Variants in ZNF792 observed in about 807,000 individuals in gnomAD.
ZNF792 encodes the protein zinc finger protein 792.
A neutral mutation model predicts 13.1 loss-of-function variants in ZNF792; 14 were observed. The ratio of observed to expected loss-of-function variants is 1.07; its 90% CI spans 0.71 to 1.67. The LOEUF is 1.67. Among genes scored for constraint, ZNF792 ranks in the 40% most tolerant of loss-of-function variants. The pLI, the probability that ZNF792 is intolerant of heterozygous loss-of-function variation, is 0.00. For synonymous variants in ZNF792, 257 were observed against 292.0 expected (o/e 0.88, Z 1.22); for missense variants, 740 against 807.9 (o/e 0.92, Z 1.02).
rs2013446515 is a variant in ZNF792 at position 34,957,312 on chromosome 19, T to G, written c.*644A>C. 1 of 152,124 alleles carries G rather than the reference T, an allele frequency of 6.6e-6. No homozygotes were observed. The highest frequency in any genetic ancestry group is 1.5e-5 in the Non-Finnish European group (1 of 68,020). 9.4% of individuals were successfully genotyped at this position (152,124 alleles called of 1,614,324 possible). A position where few individuals can be genotyped will look rare whatever the true frequency, so the allele number is the denominator to read the frequency against. On this transcript the variant is annotated 3_prime_UTR_variant, in exon 4 of 4. Coordinates refer to ENST00000404801, the MANE Select transcript of ZNF792 (RefSeq NM_175872.5). ...TATTATACCCATAAATTCCTACAAT[T>G]TTTCCTAGGAGGCCTTGGTGGCAAT...
At position 34,956,410 on chromosome 19, in the gene ZNF792, T is replaced by C. The variant is rs1326921194; in HGVS notation, c.*1546A>G. On this transcript the variant is annotated 3_prime_UTR_variant, in exon 4 of 4. Transcript: ENST00000404801. ...GTTAATTCTAGAAAAGGCAAACAAA[T>C]CTAAAGTAAAAAATGTAAATCAACG... 1 of 151,952 alleles carries C rather than the reference T, an allele frequency of 6.6e-6. No individual in the cohort carries two copies. The highest frequency in any genetic ancestry group is 1.5e-5 in the Non-Finnish European group (1 of 67,988). 9.4% of individuals were successfully genotyped at this position (151,952 alleles called of 1,614,324 possible).
chr19:34,959,034 C>T lies in ZNF792; in HGVS notation c.821G>A (p.Arg274Lys). The change falls in exon 4 of 4, where the codon AGA becomes AAA. Residue 274 changes from arginine to lysine, a missense_variant. Transcript: ENST00000404801. ...NNKSTLVQHQ[R>K]IHSRERPYEC... The stretch of plus-strand genomic sequence containing the variant: ...ATAAGGCCTTTCTCTGCTGTGGATT[C>T]TCTGGTGCTGAACAAGAGTGGATTT... 3 of 1,614,176 alleles carry T rather than the reference C, an allele frequency of 1.9e-6. No individual in the cohort carries two copies. The highest frequency in any genetic ancestry group is 2.5e-6 in the Non-Finnish European group (3 of 1,179,986).
At position 34,956,447 on chromosome 19, in the gene ZNF792, A is replaced by T. The variant is rs917509348; in HGVS notation, c.*1509T>A. The T allele has an allele frequency of 6.6e-6, 1 of 152,192 alleles. No homozygotes were observed. Among genetic ancestry groups the T allele is most frequent in the Non-Finnish European group, 1.5e-5 (1 of 68,030 alleles). The allele number at this position is 152,192 out of a possible 1,614,324, so 9.4% of individuals were successfully genotyped here. A position where few individuals can be genotyped will look rare whatever the true frequency, so the allele number is the denominator to read the frequency against. Reference sequence around the variant, plus strand: ...AATGTAAATCAACGGTTTCCTAGGGAAGGCAAGGAGGGAATGTAAAGGGGC... The same window carrying T: ...AATGTAAATCAACGGTTTCCTAGGGTAGGCAAGGAGGGAATGTAAAGGGGC... On this transcript the variant is annotated 3_prime_UTR_variant, in exon 4 of 4. Transcript: ENST00000404801.
rs746978002 is a variant in ZNF792 at position 34,958,301 on chromosome 19, G to A, written c.1554C>T (p.Ser518=). The A allele has an allele frequency of 1.9e-6, 3 of 1,610,448 alleles. No individual in the cohort carries two copies. Among genetic ancestry groups the A allele is most frequent in the Non-Finnish European group, 2.5e-6 (3 of 1,178,772 alleles). The change falls in exon 4 of 4, where the codon AGC becomes AGT. Residue 518 remains serine, a synonymous_variant. Transcript: ENST00000404801. ...GTCTCCGGTGGTTATTGAGGCTGGA[G>A]CTTTGGTTAAAGAATTTCCCACATT... ...CSECGKFFNQ[S]SSLNNHRRLH...
At chr19:34,961,582 C>T (rs2013528657) in intron 1 of ZNF792, among the ~76,000 whole-genome samples, 1 of 152,172 alleles carries the variant, frequency 6.6e-6, no homozygotes, top group Non-Finnish European at 1.5e-5. Context: ...AGAGGGAGCG[C>T]TCCACCCTTG....
In ZNF792 at chr19:34,958,093, T is replaced by C; in HGVS notation, c.1762A>G (p.Arg588Gly). ...IRHQKIHIRE[R>G]SMENVLLPCS... Reference sequence around the variant, plus strand: ...GGAAGGAGCACATTCTCCATGCTCCTTTCTCTGATGTGAATCTTCTGATGC... The same window carrying C: ...GGAAGGAGCACATTCTCCATGCTCCCTTCTCTGATGTGAATCTTCTGATGC... Residue 588 changes from arginine to glycine, a missense_variant, in exon 4 of 4, where the codon AGG becomes GGG. Coordinates refer to ENST00000404801, the MANE Select transcript of ZNF792 (RefSeq NM_175872.5). 6.2e-7 allele frequency: 1 copy of C among 1,612,808 alleles called. No homozygotes were observed. Among genetic ancestry groups the C allele is most frequent in the Non-Finnish European group, 8.5e-7 (1 of 1,179,332 alleles).
In ZNF792 at chr19:34,960,862, C is replaced by A. The variant is rs1339679892; in HGVS notation, c.160+6G>T. The A allele has an allele frequency of 5.0e-6, 8 of 1,613,988 alleles. No homozygotes were observed. Among genetic ancestry groups the A allele is most frequent in the African/African-American group, 1.3e-5 (1 of 75,024 alleles). On this transcript the variant is annotated splice_donor_region_variant and intron_variant, in intron 2 of 3. Transcript: ENST00000404801. Reference sequence around the variant, plus strand: ...CGGGACACCGGGGTAGGGGTGACAGCCTTACCCAGCGAGGCTATAAGTGCA... The same window carrying A: ...CGGGACACCGGGGTAGGGGTGACAGACTTACCCAGCGAGGCTATAAGTGCA...
chr19:34,957,814 G>T lies in ZNF792; in HGVS notation c.*142C>A. ...CTGCCTTCCCTGAGCACAGTGGAGTGGTGGACACACTCTTTGGAGAGCTGC... is the reference window on the plus strand; with the variant it reads ...CTGCCTTCCCTGAGCACAGTGGAGTTGTGGACACACTCTTTGGAGAGCTGC... On this transcript the variant is annotated 3_prime_UTR_variant, in exon 4 of 4. Coordinates refer to ENST00000404801, the MANE Select transcript of ZNF792 (RefSeq NM_175872.5). 1 of 778,552 alleles carries T rather than the reference G, an allele frequency of 1.3e-6. No individual in the cohort carries two copies. The highest frequency in any genetic ancestry group is 2.0e-6 in the Non-Finnish European group (1 of 493,458). 48.2% of individuals were successfully genotyped at this position (778,552 alleles called of 1,614,324 possible).
Position 34,957,961 on chromosome 19 carries a change from G to A in ZNF792, c.1894C>T (p.Pro632Ser). The A allele has an allele frequency of 1.9e-6, 3 of 1,592,112 alleles. No individual in the cohort carries two copies. Among genetic ancestry groups the A allele is most frequent in the Non-Finnish European group, 2.6e-6 (3 of 1,167,052 alleles). ...VHPSTHPGEV[P>S] is the part of the protein sequence containing the mutation. ...TTCCAACACAGCTAGCATTCCTAGG[G>A]AACCTCCCCAGGGTGGGTACTTGGA... Residue 632 changes from proline to serine, a missense_variant, in exon 4 of 4, where the codon CCC becomes TCC. Physicochemically the swap from Pro to Ser is moderately conservative, Grantham distance 74. Coordinates refer to ENST00000404801, the MANE Select transcript of ZNF792 (RefSeq NM_175872.5).
In ZNF792 at chr19:34,958,971, G is replaced by T. The variant is rs1298745277; in HGVS notation, c.884C>A (p.Ala295Asp). The stretch of plus-strand genomic sequence containing the variant: ...AACTTTCTGGTGTTGAGTGAGGTCA[G>T]CGGCGTAAGTGAAGAAGATTCCACA... ...SKCGIFFTYA[A>D]DLTQHQKVHN... Residue 295 changes from alanine to aspartate, a missense_variant, in exon 4 of 4, where the codon GCT becomes GAT. Physicochemically the swap from Ala to Asp is moderately radical, Grantham distance 126. Coordinates refer to ENST00000404801, the MANE Select transcript of ZNF792 (RefSeq NM_175872.5). 6.2e-7 allele frequency: 1 copy of T among 1,614,074 alleles called. No individual in the cohort carries two copies. Among genetic ancestry groups the T allele is most frequent in the Non-Finnish European group, 8.5e-7 (1 of 1,180,002 alleles).
chr19:34,957,739 T>C lies in ZNF792; in HGVS notation c.*217A>G. ...GGCGGGAATGACATCTTCCCAAGGC[T>C]TCAGACTACTCCTAATTCCCTTTAG... is the stretch of plus-strand genomic sequence containing the variant. On this transcript the variant is annotated 3_prime_UTR_variant, in exon 4 of 4. Transcript: ENST00000404801. 1.9e-6 allele frequency: 1 copy of C among 524,192 alleles called. No individual in the cohort carries two copies. Among genetic ancestry groups the C allele is most frequent in the Non-Finnish European group, 3.3e-6 (1 of 303,516 alleles). The allele number at this position is 524,192 out of a possible 1,614,324, so 32.5% of individuals were successfully genotyped here. A position where few individuals can be genotyped will look rare whatever the true frequency, so the allele number is the denominator to read the frequency against.
In ZNF792 at chr19:34,959,124, A is replaced by G. The variant is rs1373828699; in HGVS notation, c.731T>C (p.Val244Ala). 1.9e-6 allele frequency: 3 copies of G among 1,613,826 alleles called. No homozygotes were observed. The highest frequency in any genetic ancestry group is 2.5e-6 in the Non-Finnish European group (3 of 1,179,692). ...DGEPHEATEG[V>A]VDFHIALRHN... ...CCTTAGTGCAATGTGAAAATCCACC[A>G]CACCTTCGGTGGCCTCGTGCGGCTC... The change falls in exon 4 of 4, where the codon GTG becomes GCG. Residue 244 changes from valine (V) to alanine (A), a missense_variant. Val to Ala is a moderately conservative substitution (Grantham distance 64). Transcript: ENST00000404801.
chr19:34,960,630 A>G (rs1187249950), intron 2 of ZNF792: 18 of 696,160 alleles, frequency 2.6e-5, no homozygotes, highest in Middle Eastern at 8.1e-4. Flanking sequence ...GCTAACCGCA[A>G]GACCCCTCAT....
Position 34,958,964 on chromosome 19 carries a change from G to A in ZNF792, c.891C>T (p.Leu297=). The A allele has an allele frequency of 6.2e-7, 1 of 1,614,152 alleles. No homozygotes were observed. Among genetic ancestry groups the A allele is most frequent in the South Asian group, 1.1e-5 (1 of 91,082 alleles). Residue 297 remains leucine (L), a synonymous_variant, in exon 4 of 4, where the codon CTC becomes CTT. Coordinates refer to ENST00000404801, the MANE Select transcript of ZNF792 (RefSeq NM_175872.5). ...TATTGTGAACTTTCTGGTGTTGAGT[G>A]AGGTCAGCGGCGTAAGTGAAGAAGA... ...CGIFFTYAAD[L]TQHQKVHNRG...
chr19:34,962,762 A>T (rs2013546572), intron 1 of ZNF792, among the ~76,000 whole-genome samples: 1 of 152,182 alleles, frequency 6.6e-6, no homozygotes, highest in Non-Finnish European at 1.5e-5. Flanking sequence ...CAACTCCCTC[A>T]GAACACCCGA....
At chr19:34,960,203 C>A in intron 3 of ZNF792, 32 bp downstream of exon 3, 1 of 1,607,936 alleles carries the variant, frequency 6.2e-7, no homozygotes, top group South Asian at 1.1e-5. Context: ...GTGGTGAAGT[C>A]ACATCCTCCC....
In ZNF792 at chr19:34,958,124, G is replaced by A. The variant is rs865949334; in HGVS notation, c.1731C>T (p.Leu577=). The change falls in exon 4 of 4, where the codon CTC becomes CTT. Residue 577 remains leucine, a synonymous_variant. Transcript: ENST00000404801. ...CGKAFNQRPT[L]IRHQKIHIRE... is the part of the protein sequence containing the mutation. ...TGATGTGAATCTTCTGATGCCGAAT[G>A]AGGGTAGGCCTTTGGTTGAAGGCTT... is the stretch of plus-strand genomic sequence containing the variant. The A allele has an allele frequency of 6.2e-7, 1 of 1,613,414 alleles. No homozygotes were observed. The highest frequency in any genetic ancestry group is 1.3e-5 in the African/African-American group (1 of 74,946).
At position 34,958,740 on chromosome 19, in the gene ZNF792, C is replaced by T. The variant is rs776094355; in HGVS notation, c.1115G>A (p.Gly372Glu). The change falls in exon 4 of 4, where the codon GGG (glycine) becomes GAG (glutamate). Residue 372 changes from glycine to glutamate, a missense_variant. Physicochemically the swap from Gly to Glu is moderately conservative, Grantham distance 98 (BLOSUM62 -2). Transcript: ENST00000404801. ...GTTGGAACGCTGGCTGAAGAACTTC[C>T]CACAGTCGCTGCACTCATATGGCTT... ...GEKPYECSDC[G>E]KFFSQRSNLI... is the part of the protein sequence containing the mutation. The T allele has an allele frequency of 6.2e-7, 1 of 1,614,068 alleles. No individual in the cohort carries two copies.
Position 34,958,534 on chromosome 19 carries a change from G to A in ZNF792, c.1321C>T (p.Gln441Ter). 2 of 1,596,444 alleles carry A rather than the reference G, an allele frequency of 1.3e-6. No individual in the cohort carries two copies. The highest frequency in any genetic ancestry group is 4.5e-5 in the East Asian group (2 of 44,756). ...GGCCGCTCGCCAGTGTGAACTATCT[G>A]ATGTTGAATGAGGCTGGCAATGTGG... ...FSHIASLIQH[Q>*]IVHTGERPHG... Residue 441 changes from glutamine (Q) to a stop codon, truncating the protein, a stop_gained, in exon 4 of 4, where the codon CAG becomes TAG. Coordinates refer to ENST00000404801, the MANE Select transcript of ZNF792 (RefSeq NM_175872.5). LOFTEE classifies it low-confidence loss of function (END_TRUNC).
Sources: allele counts gnomAD v4.1 joint callset (sites outside exome capture counted in the v4.1 genomes callset), GRCh38; gene constraint gnomAD v4.1.1; transcripts MANE v1.5; gene names NCBI Gene and HGNC (gene_info 2026-07-23, HGNC 2026-07-21).